Variants in ATRNL1 observed in about 807,000 individuals in gnomAD.
ATRNL1 encodes attractin like 1.
In ATRNL1, 95 loss-of-function variants were observed where a neutral mutation model predicts 182.7. That is an observed-to-expected ratio of 0.52 (90% CI 0.44 to 0.62). ATRNL1 has a LOEUF of 0.62. Among genes scored for constraint, ATRNL1 ranks in the 20% least tolerant of loss-of-function variants. ATRNL1 has a pLI of 0.00. For synonymous variants in ATRNL1, 576 were observed against 568.3 expected (o/e 1.01, Z -0.19); for missense variants, 1,471 against 1,679.5 (o/e 0.88, Z 2.17).
chr10:115,126,437 C>A (rs1292197790), intron 3 of ATRNL1, among the ~76,000 whole-genome samples: 2 of 152,222 alleles, frequency 1.3e-5, no homozygotes, highest in South Asian at 2.1e-4. Flanking sequence ...TTTAGTAATA[C>A]TCACCTTTAT....
At chr10:115,822,689 G>A (rs1435289359) in intron 27 of ATRNL1, among the ~76,000 whole-genome samples, 2 of 152,080 alleles carry the variant, frequency 1.3e-5, no homozygotes, top group Non-Finnish European at 2.9e-5. Context: ...AGAAGAAATG[G>A]ATAAATTCCT....
intron 25 of ATRNL1, among the ~76,000 whole-genome samples, chr10:115,546,410 A>G (rs781945668): frequency 3.3e-5 from 5 of 151,800 alleles, no homozygotes; most frequent in Non-Finnish European, 5.9e-5. Context: ...TAAAAATACA[A>G]AACAAATTAA....
intron 10 of ATRNL1, among the ~76,000 whole-genome samples, chr10:115,264,537 A>G (rs1457774557): frequency 1.3e-5 from 2 of 151,724 alleles, no homozygotes; most frequent in Middle Eastern, 3.4e-3. Context: ...TCTCAAATTT[A>G]CGTTAGTATA....
intron 5 of ATRNL1, among the ~76,000 whole-genome samples, chr10:115,159,720 TGA>T (rs1283050615): frequency 6.6e-6 from 1 of 151,670 alleles, no homozygotes; most frequent in African/African-American, 2.4e-5. Context: ...AACTGATATT[TGA>T]GTACATTGTT....
intron 1 of ATRNL1, among the ~76,000 whole-genome samples, chr10:115,101,092 A>G (rs565256023): frequency 6.6e-6 from 1 of 152,228 alleles, no homozygotes; most frequent in East Asian, 1.9e-4. Context: ...TGCCAAACTT[A>G]CTTATTACTT....
chr10:115,315,039 T>C (rs1554929102), intron 17 of ATRNL1, among the ~76,000 whole-genome samples: 1 of 152,122 alleles, frequency 6.6e-6, no homozygotes, highest in Non-Finnish European at 1.5e-5. Context: ...TTGTCCATAA[T>C]AGGTAGTCCA....
At chr10:115,821,276 G>C (rs1271984035) in intron 27 of ATRNL1, among the ~76,000 whole-genome samples, 2 of 152,074 alleles carry the variant, frequency 1.3e-5, no homozygotes, top group East Asian at 3.9e-4. Context: ...TAGAAAAGTA[G>C]CTTGTGTGAA....
At chr10:115,159,211 A>T (rs1554882714) in intron 5 of ATRNL1, among the ~76,000 whole-genome samples, 1 of 151,614 alleles carries the variant, frequency 6.6e-6, no homozygotes, top group Admixed American at 6.6e-5. Flanking sequence ...AAATTTAAAC[A>T]TAGGAGTTTA....
chr10:115,776,360 T>A (rs1555077928), intron 27 of ATRNL1, among the ~76,000 whole-genome samples: 1 of 152,180 alleles, frequency 6.6e-6, no homozygotes, highest in East Asian at 1.9e-4. Flanking sequence ...TGATGAAGAA[T>A]AAAGAATATT....
chr10:115,523,909 A>G (rs1210652997), intron 25 of ATRNL1, among the ~76,000 whole-genome samples: 1 of 152,222 alleles, frequency 6.6e-6, no homozygotes, highest in Non-Finnish European at 1.5e-5. Flanking sequence ...CTGTAAAAGA[A>G]TACCTGAGGC....
chr10:115,547,072 G>A (rs1274673329), intron 25 of ATRNL1, among the ~76,000 whole-genome samples: 1 of 151,754 alleles, frequency 6.6e-6, no homozygotes, highest in African/African-American at 2.4e-5. Context: ...TGGCCAACAT[G>A]GTGAAACCCC....
At chr10:115,240,517 G>A (rs1360904770) in intron 9 of ATRNL1, among the ~76,000 whole-genome samples, 3 of 152,058 alleles carry the variant, frequency 2.0e-5, no homozygotes, top group African/African-American at 4.8e-5. Context: ...GCCTCTCAAA[G>A]TGCTGGAGTT....
At chr10:115,481,979 G>T (rs1320218698) in intron 24 of ATRNL1, among the ~76,000 whole-genome samples, 11 of 150,882 alleles carry the variant, frequency 7.3e-5, no homozygotes, top group African/African-American at 2.7e-4. Flanking sequence ...TTTTGGGTTT[G>T]ATTTGTGAGC....
intron 1 of ATRNL1, among the ~76,000 whole-genome samples, chr10:115,107,882 G>C (rs1316919002): frequency 6.6e-6 from 1 of 152,166 alleles, no homozygotes; most frequent in Admixed American, 6.5e-5. Context: ...GCAGATACTT[G>C]AGGCAGCACA....
chr10:115,699,572 C>T (rs2133991293), intron 26 of ATRNL1, among the ~76,000 whole-genome samples: 1 of 152,092 alleles, frequency 6.6e-6, no homozygotes, highest in South Asian at 2.1e-4. Flanking sequence ...CACACAGAAA[C>T]ATAAATGGAT....
At chr10:115,574,342 A>G (rs142189777) in intron 26 of ATRNL1, among the ~76,000 whole-genome samples, 200 of 119,230 alleles carry the variant, frequency 1.7e-3, no homozygotes, top group Non-Finnish European at 2.8e-3. Context: ...ATAAAACTAC[A>G]TATATATAAA....
chr10:115,390,925 G>A (rs1428498094), intron 19 of ATRNL1, among the ~76,000 whole-genome samples: 2 of 152,062 alleles, frequency 1.3e-5, no homozygotes, highest in Admixed American at 1.3e-4. Context: ...TGGGATTGAT[G>A]TCTTAATTTC....
intron 19 of ATRNL1, among the ~76,000 whole-genome samples, chr10:115,381,342 C>T (rs191239213): frequency 1.1e-4 from 17 of 151,714 alleles, no homozygotes; most frequent in African/African-American, 3.9e-4. Flanking sequence ...TCTCGACTCA[C>T]TGCAACTTCT....
chr10:115,365,128 C>T (rs1352575668), intron 19 of ATRNL1, among the ~76,000 whole-genome samples: 27 of 151,590 alleles, frequency 1.8e-4, no homozygotes, highest in South Asian at 1.0e-3. Context: ...TGGTAGAATT[C>T]GGCTGTGAAT....
Sources: allele counts gnomAD v4.1 joint callset (sites outside exome capture counted in the v4.1 genomes callset), GRCh38; gene constraint gnomAD v4.1.1; transcripts MANE v1.5; gene names NCBI Gene and HGNC (gene_info 2026-07-23, HGNC 2026-07-21).